Variants in PRKG1 observed in about 807,000 individuals in gnomAD.
The protein encoded by PRKG1 is protein kinase cGMP-dependent 1.
In PRKG1, 35 loss-of-function variants were observed where a neutral mutation model predicts 88.1. The observed-to-expected ratio is 0.40, with a 90% CI of 0.30 to 0.53. The LOEUF is 0.53. Among genes scored for constraint, PRKG1 ranks in the 20% least tolerant of loss-of-function variants. The pLI, the probability that PRKG1 is intolerant of heterozygous loss-of-function variation, is 0.59. For synonymous variants in PRKG1, 303 were observed against 292.5 expected (o/e 1.04, Z -0.37); for missense variants, 540 against 839.8 (o/e 0.64, Z 4.41).
intron 7 of PRKG1, among the ~76,000 whole-genome samples, chr10:52,096,294 A>C: frequency 6.6e-6 from 1 of 152,192 alleles, no homozygotes; most frequent in East Asian, 1.9e-4. Context: ...TTATATAAGC[A>C]CATCTGGGTT....
At chr10:51,542,859 A>G (rs1375428248) in intron 3 of PRKG1, among the ~76,000 whole-genome samples, 1 of 152,202 alleles carries the variant, frequency 6.6e-6, no homozygotes, top group African/African-American at 2.4e-5. Flanking sequence ...TACCACGTCT[A>G]TAATAAAAGA....
intron 2 of PRKG1, among the ~76,000 whole-genome samples, chr10:51,277,622 T>C (rs528085932): frequency 2.2e-4 from 34 of 152,356 alleles, no homozygotes; most frequent in African/African-American, 8.2e-4. Context: ...TTTGTTTGTG[T>C]CCTCTTTTAT....
chr10:51,525,710 G>C (rs1271900124), intron 3 of PRKG1, among the ~76,000 whole-genome samples: 2 of 150,420 alleles, frequency 1.3e-5, no homozygotes, highest in African/African-American at 2.4e-5. Flanking sequence ...AAAATAAAAA[G>C]AAAAAAAAGA....
At chr10:52,200,830 A>G (rs1017405203) in intron 9 of PRKG1, among the ~76,000 whole-genome samples, 3 of 151,768 alleles carry the variant, frequency 2.0e-5, no homozygotes, top group African/African-American at 7.3e-5. Context: ...TTTTTTTCTT[A>G]TGCTTGTTGG....
In PRKG1 at chr10:51,074,951, G is replaced by A. The variant is rs769915102; in HGVS notation, c.311+50G>A. The A allele has an allele frequency of 3.9e-6, 6 of 1,521,492 alleles. No homozygotes were observed. The Admixed American group carries it at 8.0e-5, about 20-fold the overall frequency. 94.2% of individuals were successfully genotyped at this position (1,521,492 alleles called of 1,614,324 possible). On this transcript the variant is annotated intron_variant, in intron 1 of 17. Transcript: ENST00000373980. ...CCATGTGGCGCCCTGGCGATGGGGA[G>A]CTGCGGGTCTCTGTATTGTCTGTCG...
chr10:51,130,302 T>C (rs138780869), intron 1 of PRKG1, among the ~76,000 whole-genome samples: 125 of 152,228 alleles, frequency 8.2e-4, no homozygotes, highest in Middle Eastern at 3.4e-3. Context: ...ATAGTCCAGA[T>C]CCTAATCATT....
At chr10:51,985,673 T>C (rs1220949667) in intron 5 of PRKG1, among the ~76,000 whole-genome samples, 1 of 152,176 alleles carries the variant, frequency 6.6e-6, no homozygotes, top group African/African-American at 2.4e-5. Context: ...CTATTTGTAG[T>C]CTGCTGCCAT....
At chr10:51,040,753 A>C (rs1046699341) in intron 1 of PRKG1, among the ~76,000 whole-genome samples, 1 of 151,718 alleles carries the variant, frequency 6.6e-6, no homozygotes, top group Non-Finnish European at 1.5e-5. Context: ...TTCTTTTCAG[A>C]TTGTTTGCTG....
At chr10:52,166,252 G>A (rs1589665160) in intron 9 of PRKG1, among the ~76,000 whole-genome samples, 1 of 151,770 alleles carries the variant, frequency 6.6e-6, no homozygotes, top group South Asian at 2.1e-4. Flanking sequence ...ATTTACTTAT[G>A]GTGAGTCAGG....
At chr10:51,629,582 G>A (rs1476354585) in intron 3 of PRKG1, among the ~76,000 whole-genome samples, 4 of 152,066 alleles carry the variant, frequency 2.6e-5, no homozygotes, top group Non-Finnish European at 5.9e-5. Context: ...GGAAATGGAA[G>A]CAGGCTTTTC....
At chr10:51,911,126 G>A (rs916303646) in intron 5 of PRKG1, 3 of 152,064 alleles carry the variant, frequency 2.0e-5, no homozygotes, top group African/African-American at 7.2e-5. Flanking sequence ...AAAAATTTAT[G>A]AGAAAAAGTA....
chr10:51,618,757 T>G (rs1839130475), intron 3 of PRKG1, among the ~76,000 whole-genome samples: 1 of 151,872 alleles, frequency 6.6e-6, no homozygotes, highest in Non-Finnish European at 1.5e-5. Context: ...TATTTTTTAT[T>G]ATTTATTATG....
At chr10:51,458,851 A>C (rs533384838) in intron 2 of PRKG1, among the ~76,000 whole-genome samples, 1 of 152,260 alleles carries the variant, frequency 6.6e-6, no homozygotes, top group Admixed American at 6.5e-5. Flanking sequence ...CATGGATCGA[A>C]ACTACAGAAA....
chr10:51,369,300 T>C (rs746229154), intron 2 of PRKG1, among the ~76,000 whole-genome samples: 4 of 152,088 alleles, frequency 2.6e-5, no homozygotes, highest in Non-Finnish European at 5.9e-5. Context: ...GATCAAGGCA[T>C]TGACAGATTC....
intron 3 of PRKG1, among the ~76,000 whole-genome samples, chr10:51,572,894 A>G (rs1361873631): frequency 2.0e-5 from 3 of 151,836 alleles, no homozygotes; most frequent in African/African-American, 7.2e-5. Context: ...ATTAAACTCA[A>G]CTGTGTCCAC....
At chr10:51,464,846 C>G (rs1011546277) in intron 2 of PRKG1, among the ~76,000 whole-genome samples, 17 of 147,512 alleles carry the variant, frequency 1.2e-4, no homozygotes, top group Non-Finnish European at 2.2e-4. Flanking sequence ...AGCCGAGATC[C>G]CGCCACTGCA....
intron 7 of PRKG1, among the ~76,000 whole-genome samples, chr10:52,099,606 A>C (rs974160290): frequency 3.3e-5 from 5 of 152,192 alleles, no homozygotes; most frequent in African/African-American, 1.2e-4. Flanking sequence ...GTGTGGGGAA[A>C]ATAAAAGATG....
At chr10:51,405,735 C>G (rs541794535) in intron 2 of PRKG1, among the ~76,000 whole-genome samples, 32 of 152,190 alleles carry the variant, frequency 2.1e-4, no homozygotes, top group Non-Finnish European at 4.3e-4. Flanking sequence ...AACCTTGCTC[C>G]CATAAAAGGT....
At chr10:51,804,000 T>A (rs567117457) in intron 3 of PRKG1, among the ~76,000 whole-genome samples, 1 of 152,212 alleles carries the variant, frequency 6.6e-6, no homozygotes, top group East Asian at 1.9e-4. Flanking sequence ...AGAGAATAAA[T>A]TAAAATTCAA....
Sources: allele counts gnomAD v4.1 joint callset (sites outside exome capture counted in the v4.1 genomes callset), GRCh38; gene constraint gnomAD v4.1.1; transcripts MANE v1.5; gene names NCBI Gene and HGNC (gene_info 2026-07-23, HGNC 2026-07-21).